Variants in RBMS3 observed in about 807,000 individuals in gnomAD.
RBMS3 encodes RNA-binding motif, single-stranded-interacting protein 3.
RBMS3 carries 27 observed loss-of-function variants against 66.8 expected under a neutral mutation model. That is an observed-to-expected ratio of 0.40 (90% CI 0.30 to 0.56). RBMS3 has a LOEUF of 0.56. RBMS3 is among the 20% of genes least tolerant of loss of function. The pLI is 0.40. For synonymous variants in RBMS3, 188 were observed against 183.0 expected (o/e 1.03, Z -0.22); for missense variants, 513 against 549.5 (o/e 0.93, Z 0.66).
At chr3:29,336,167 T>C (rs1033989954) in intron 1 of RBMS3, among the ~76,000 whole-genome samples, 1 of 152,110 alleles carries the variant, frequency 6.6e-6, no homozygotes, top group African/African-American at 2.4e-5. Flanking sequence ...TAAGAAAAAA[T>C]ATTTTGACAT....
chr3:29,953,777 C>A (rs766669917), intron 12 of RBMS3, among the ~76,000 whole-genome samples: 1 of 151,888 alleles, frequency 6.6e-6, no homozygotes, highest in Non-Finnish European at 1.5e-5. Flanking sequence ...CATATTTATG[C>A]TCCTTCAGCT....
chr3:29,431,621 G>C (rs1385912288), intron 1 of RBMS3, among the ~76,000 whole-genome samples: 1 of 152,112 alleles, frequency 6.6e-6, no homozygotes, highest in African/African-American at 2.4e-5. Context: ...AAGAAATCTG[G>C]AGGCTCTGGG....
intron 1 of RBMS3, among the ~76,000 whole-genome samples, chr3:29,426,672 C>T (rs145754087): frequency 2.4e-3 from 359 of 152,316 alleles, no homozygotes; most frequent in African/African-American, 7.6e-3. Flanking sequence ...TGGCAAACCA[C>T]GGTTCTAATG....
At chr3:29,866,077 T>TAAAAAAAAAAAAAAAAAAAAAAAAAAA in intron 6 of RBMS3, among the ~76,000 whole-genome samples, 1 of 105,572 alleles carries the variant, frequency 9.5e-6, no homozygotes, top group South Asian at 3.7e-4. Flanking sequence ...CACCAAATAC[T>TAAAAAAAAAAAAAAAAAAAAAAAAAAA]AAAAAAAAAA....
At chr3:29,857,388 G>A (rs954920952) in intron 6 of RBMS3, among the ~76,000 whole-genome samples, 2 of 135,810 alleles carry the variant, frequency 1.5e-5, no homozygotes, top group African/African-American at 5.5e-5. Context: ...CACCCCCACG[G>A]GGCCCCGATT....
intron 1 of RBMS3, among the ~76,000 whole-genome samples, chr3:29,308,707 T>A (rs540851431): frequency 2.8e-5 from 4 of 144,668 alleles, no homozygotes; most frequent in Non-Finnish European, 6.0e-5. Flanking sequence ...TGGAAATATA[T>A]GTGCCTGAAA....
intron 4 of RBMS3, among the ~76,000 whole-genome samples, chr3:29,639,550 C>A (rs529304294): frequency 2.7e-5 from 4 of 146,730 alleles, no homozygotes; most frequent in South Asian, 4.3e-4. Flanking sequence ...TACTGTATGG[C>A]AAAAACCAGA....
intron 6 of RBMS3, among the ~76,000 whole-genome samples, chr3:29,822,794 A>G (rs900622545): frequency 2.0e-5 from 3 of 152,062 alleles, no homozygotes; most frequent in African/African-American, 4.8e-5. Context: ...GTTCATGTCT[A>G]CCTATGATGG....
intron 1 of RBMS3, among the ~76,000 whole-genome samples, chr3:29,284,597 T>A (rs2032117160): frequency 6.6e-6 from 1 of 152,124 alleles, no homozygotes; most frequent in Non-Finnish European, 1.5e-5. Flanking sequence ...CTTCCCTGCC[T>A]TCTCTGCTCC....
intron 4 of RBMS3, among the ~76,000 whole-genome samples, chr3:29,702,358 C>G (rs549185979): frequency 6.6e-6 from 1 of 152,178 alleles, no homozygotes; most frequent in South Asian, 2.1e-4. Flanking sequence ...CCTGTCAAAA[C>G]AGACCAATCA....
At chr3:29,551,576 A>C (rs1219103262) in intron 3 of RBMS3, among the ~76,000 whole-genome samples, 1 of 152,246 alleles carries the variant, frequency 6.6e-6, no homozygotes, top group Non-Finnish European at 1.5e-5. Flanking sequence ...TCTTACTTGC[A>C]TATTCGTCAT....
At chr3:29,770,313 T>C (rs2056142774) in intron 6 of RBMS3, among the ~76,000 whole-genome samples, 1 of 152,038 alleles carries the variant, frequency 6.6e-6, no homozygotes, top group South Asian at 2.1e-4. Context: ...TGCTCATTTC[T>C]GCCTAGAGAA....
rs769536967 is a variant in RBMS3, at chr3:29,991,072, G to T, written c.1180-10G>T. On this transcript the variant is annotated splice_polypyrimidine_tract_variant and intron_variant, in intron 13 of 14. Coordinates refer to ENST00000383767, the MANE Select transcript of RBMS3 (RefSeq NM_001003793.3). ...AAGTAAGGCTTTTATGTTCTTATTT[G>T]CCTCCTTAGGGTGTTGTTGCTGATA... 2 of 1,613,644 alleles carry T rather than the reference G, an allele frequency of 1.2e-6. No homozygotes were observed. The highest frequency in any genetic ancestry group is 1.3e-5 in the African/African-American group (1 of 74,890).
chr3:29,429,129 A>G (rs2041083021), intron 1 of RBMS3, among the ~76,000 whole-genome samples: 1 of 152,144 alleles, frequency 6.6e-6, no homozygotes, highest in Admixed American at 6.5e-5. Context: ...CCTGGCCTCA[A>G]GTTGGGCTCC....
intron 14 of RBMS3, among the ~76,000 whole-genome samples, chr3:29,999,031 G>A (rs755256237): frequency 3.3e-5 from 5 of 151,850 alleles, no homozygotes; most frequent in Non-Finnish European, 7.4e-5. Flanking sequence ...TCTGACAAAG[G>A]GCTAATATCC....
intron 12 of RBMS3, among the ~76,000 whole-genome samples, chr3:29,968,584 A>G (rs1391596129): frequency 6.6e-6 from 1 of 152,186 alleles, no homozygotes; most frequent in East Asian, 1.9e-4. Context: ...AGCTCCAGGT[A>G]AAGTCGGAAA....
intron 2 of RBMS3, among the ~76,000 whole-genome samples, chr3:29,472,653 T>C (rs1336301770): frequency 1.3e-5 from 2 of 151,846 alleles, no homozygotes; most frequent in African/African-American, 4.8e-5. Context: ...TTGTGGTGAG[T>C]GTTACAGCTC....
intron 4 of RBMS3, among the ~76,000 whole-genome samples, chr3:29,678,149 C>T (rs1184337861): frequency 3.9e-5 from 6 of 152,156 alleles, no homozygotes; most frequent in Non-Finnish European, 8.8e-5. Flanking sequence ...CTCAAGTTCT[C>T]TGCCCCATTT....
intron 4 of RBMS3, among the ~76,000 whole-genome samples, chr3:29,694,212 G>A (rs1261836596): frequency 6.6e-6 from 1 of 152,094 alleles, no homozygotes; most frequent in Non-Finnish European, 1.5e-5. Flanking sequence ...CTCTGCTTCT[G>A]ATATCTGTTT....
Sources: gnomAD v4.1 joint callset for allele counts (sites outside exome capture counted in the v4.1 genomes callset) on GRCh38, gnomAD v4.1.1 for gene constraint, MANE v1.5 for transcripts, NCBI Gene and HGNC (gene_info 2026-07-23, HGNC 2026-07-21) for gene names.